The following TAFA4 variants were observed in gnomAD, a reference collection of about 807,000 sequenced individuals.
TAFA4 encodes chemokine-like protein TAFA-4.
Under a neutral mutation model 21.1 loss-of-function variants are expected in TAFA4, and 20 were observed. The ratio of observed to expected loss-of-function variants is 0.95; its 90% CI spans 0.67 to 1.38. The LOEUF is 1.38. TAFA4 is among the 40% of genes most tolerant of loss of function. The probability of loss-of-function intolerance (pLI) is 0.00; values close to 1 mark genes in which losing one functional copy is unlikely to be tolerated. For synonymous variants in TAFA4, 71 were observed against 67.4 expected (o/e 1.05, Z -0.26); for missense variants, 211 against 180.9 (o/e 1.17, Z -0.95).
intron 3 of TAFA4, among the ~76,000 whole-genome samples, chr3:68,829,017 G>T (rs1673118151): frequency 6.6e-6 from 1 of 150,992 alleles, no homozygotes; most frequent in African/African-American, 2.4e-5. Context: ...GTATGATATT[G>T]TGATTGGCTT....
intron 1 of TAFA4, among the ~76,000 whole-genome samples, chr3:68,899,090 A>G (rs539416443): frequency 6.6e-6 from 1 of 152,244 alleles, no homozygotes; most frequent in African/African-American, 2.4e-5. Flanking sequence ...CGTAGGAAAT[A>G]CATCACATAA....
At chr3:68,823,553 T>A (rs1296685243) in intron 3 of TAFA4, among the ~76,000 whole-genome samples, 2 of 152,182 alleles carry the variant, frequency 1.3e-5, no homozygotes, top group Non-Finnish European at 2.9e-5. Context: ...ATCACCTAGG[T>A]ATTAAGCCCA....
At chr3:68,740,245 T>C (rs1702325138) in intron 4 of TAFA4, among the ~76,000 whole-genome samples, 1 of 152,016 alleles carries the variant, frequency 6.6e-6, no homozygotes, top group East Asian at 1.9e-4. Context: ...AAATGTCAGC[T>C]GTTAATATGG....
At chr3:68,785,330 G>A (rs552406342) in intron 3 of TAFA4, among the ~76,000 whole-genome samples, 1 of 152,374 alleles carries the variant, frequency 6.6e-6, no homozygotes, top group Non-Finnish European at 1.5e-5. Context: ...CAGCCCTTGG[G>A]TGGTCGATGG....
chr3:68,913,645 T>C (rs1235060858), intron 1 of TAFA4: 1 of 152,276 alleles, frequency 6.6e-6, no homozygotes, highest in Non-Finnish European at 1.5e-5. Context: ...TGGTATTCAA[T>C]TTACAGTGCT....
intron 3 of TAFA4, among the ~76,000 whole-genome samples, chr3:68,843,300 T>C (rs946830949): frequency 6.6e-5 from 10 of 152,230 alleles, no homozygotes; most frequent in African/African-American, 2.4e-4. Context: ...CAATTGTGAA[T>C]GGGAGTTCAC....
At chr3:68,860,981 T>G (rs190497637) in intron 3 of TAFA4, among the ~76,000 whole-genome samples, 1 of 151,902 alleles carries the variant, frequency 6.6e-6, no homozygotes, top group Non-Finnish European at 1.5e-5. Context: ...TAAAGTGGAA[T>G]GGTCACTGTG....
intron 3 of TAFA4, among the ~76,000 whole-genome samples, chr3:68,791,753 G>A (rs965282936): frequency 8.5e-5 from 13 of 152,222 alleles, no homozygotes; most frequent in African/African-American, 3.1e-4. Context: ...AAGAAAGGCA[G>A]CTATGTTACC....
chr3:68,750,927 C>A (rs1322235894), intron 4 of TAFA4, among the ~76,000 whole-genome samples: 1 of 152,130 alleles, frequency 6.6e-6, no homozygotes. Context: ...GAGACCACAT[C>A]CCCATCCACA....
intron 3 of TAFA4, among the ~76,000 whole-genome samples, chr3:68,863,322 T>A (rs1002601323): frequency 1.3e-5 from 2 of 152,080 alleles, no homozygotes; most frequent in Non-Finnish European, 1.5e-5. Flanking sequence ...TAAACACCGA[T>A]TTCAAAAATG....
intron 3 of TAFA4, among the ~76,000 whole-genome samples, chr3:68,812,972 T>G (rs1183156758): frequency 6.6e-6 from 1 of 152,112 alleles, no homozygotes; most frequent in Non-Finnish European, 1.5e-5. Flanking sequence ...TATAACAAAC[T>G]GTCTCTCAGA....
At chr3:68,759,429 G>T (rs1019118205) in intron 3 of TAFA4, among the ~76,000 whole-genome samples, 8 of 152,158 alleles carry the variant, frequency 5.3e-5, no homozygotes, top group African/African-American at 1.9e-4. Flanking sequence ...TAGGATGGGA[G>T]AAAAATGAAA....
intron 3 of TAFA4, among the ~76,000 whole-genome samples, chr3:68,836,038 A>G (rs771067385): frequency 2.0e-5 from 3 of 152,228 alleles, no homozygotes; most frequent in Non-Finnish European, 4.4e-5. Context: ...AACCTACCCC[A>G]GCTAGATCTG....
intron 3 of TAFA4, among the ~76,000 whole-genome samples, chr3:68,840,318 C>G (rs1704631586): frequency 6.6e-6 from 1 of 152,178 alleles, no homozygotes; most frequent in Non-Finnish European, 1.5e-5. Flanking sequence ...AGTGATCCCC[C>G]CACCTCAGCC....
chr3:68,927,394 C>T (rs1452384220), intron 1 of TAFA4, among the ~76,000 whole-genome samples: 1 of 152,040 alleles, frequency 6.6e-6, no homozygotes, highest in Non-Finnish European at 1.5e-5. Flanking sequence ...CAAACAGACA[C>T]AGTGGTCATT....
At chr3:68,765,804 G>C (rs984919831) in intron 3 of TAFA4, among the ~76,000 whole-genome samples, 2 of 152,098 alleles carry the variant, frequency 1.3e-5, no homozygotes, top group Admixed American at 1.3e-4. Flanking sequence ...GATTAGGAGT[G>C]ACTGACTGAG....
At chr3:68,818,518 C>T (rs1203100788) in intron 3 of TAFA4, among the ~76,000 whole-genome samples, 1 of 152,204 alleles carries the variant, frequency 6.6e-6, no homozygotes, top group East Asian at 1.9e-4. Context: ...TTCAAAATGC[C>T]TTTCTCACTA....
chr3:68,750,967 C>T (rs569017083), intron 4 of TAFA4, among the ~76,000 whole-genome samples: 17 of 152,218 alleles, frequency 1.1e-4, no homozygotes, highest in Non-Finnish European at 2.2e-4. Context: ...GGAAGGCATA[C>T]GTTTTTACAA....
intron 1 of TAFA4, among the ~76,000 whole-genome samples, chr3:68,908,005 T>A (rs1478884621): frequency 6.6e-6 from 1 of 152,184 alleles, no homozygotes; most frequent in African/African-American, 2.4e-5. Context: ...GCTCATTCCA[T>A]TTTTTCATAC....
Sources: gnomAD v4.1 joint callset for allele counts (sites outside exome capture counted in the v4.1 genomes callset) on GRCh38, gnomAD v4.1.1 for gene constraint, MANE v1.5 for transcripts, NCBI Gene and HGNC (gene_info 2026-07-23, HGNC 2026-07-21) for gene names.